The following CAMK1D variants were observed in gnomAD, a reference collection of about 807,000 sequenced individuals.
The protein encoded by CAMK1D is calcium/calmodulin-dependent protein kinase type 1D.
CAMK1D carries 9 observed loss-of-function variants against 47.7 expected under a neutral mutation model. The ratio of observed to expected loss-of-function variants is 0.19; its 90% confidence interval spans 0.11 to 0.33. The LOEUF is 0.33. Ranked by LOEUF, CAMK1D falls within the 10% of genes least tolerant of loss-of-function variation. The pLI, the probability that CAMK1D is intolerant of heterozygous loss-of-function variation, is 1.00. For synonymous variants in CAMK1D, 184 were observed against 184.9 expected, an observed-to-expected ratio of 0.99 and a Z score of 0.04; for missense variants, 291 against 488.7, an observed-to-expected ratio of 0.60 and a Z score of 3.81.
intron 1 of CAMK1D, among the ~76,000 whole-genome samples, chr10:12,549,573 T>C (rs1056763436): frequency 6.6e-6 from 1 of 152,072 alleles, no homozygotes; most frequent in African/African-American, 2.4e-5. Flanking sequence ...AGGTGTGGAG[T>C]TGCATGCTGA....
intron 4 of CAMK1D, among the ~76,000 whole-genome samples, chr10:12,767,886 T>C (rs1836848895): frequency 6.6e-6 from 1 of 152,154 alleles, no homozygotes; most frequent in Non-Finnish European, 1.5e-5. Flanking sequence ...TAGTTAGTTA[T>C]TTTGAGACGG....
At chr10:12,754,842 T>C (rs999056601) in intron 3 of CAMK1D, among the ~76,000 whole-genome samples, 1 of 152,184 alleles carries the variant, frequency 6.6e-6, no homozygotes, top group African/African-American at 2.4e-5. Flanking sequence ...CCATATGACC[T>C]CGTTAAACCT....
chr10:12,355,631 G>GA (rs1052365351), intron 1 of CAMK1D, among the ~76,000 whole-genome samples: 1 of 151,992 alleles, frequency 6.6e-6, no homozygotes, highest in African/African-American at 2.4e-5. Context: ...ACATTACTGA[G>GA]AAAAAAGGAG....
chr10:12,653,301 T>C (rs1299898173), intron 2 of CAMK1D: 1 of 152,942 alleles, frequency 6.5e-6, no homozygotes, highest in African/African-American at 2.4e-5. Context: ...ACTGCCACAT[T>C]AGGGATTGCA....
intron 1 of CAMK1D, among the ~76,000 whole-genome samples, chr10:12,488,853 T>A (rs1358930156): frequency 1.3e-5 from 2 of 152,198 alleles, no homozygotes; most frequent in East Asian, 3.8e-4. Flanking sequence ...CAGGCGGTGA[T>A]GCGAGGGATG....
chr10:12,360,982 A>G (rs78366628), intron 1 of CAMK1D, among the ~76,000 whole-genome samples: 9 of 152,290 alleles, frequency 5.9e-5, no homozygotes, highest in African/African-American at 1.9e-4. Flanking sequence ...CCACTTCTGT[A>G]AGAAAATATG....
chr10:12,618,956 G>T (rs1022711402), intron 2 of CAMK1D, among the ~76,000 whole-genome samples: 1 of 152,176 alleles, frequency 6.6e-6, no homozygotes, highest in Non-Finnish European at 1.5e-5. Context: ...CAGCAAAGAT[G>T]GTGGCAGTGC....
intron 1 of CAMK1D, among the ~76,000 whole-genome samples, chr10:12,532,157 T>A (rs1419978337): frequency 1.3e-5 from 2 of 152,208 alleles, no homozygotes; most frequent in East Asian, 1.9e-4. Flanking sequence ...ATTAGAAAAA[T>A]TTATAATTGG....
At chr10:12,621,167 C>G (rs139088252) in intron 2 of CAMK1D, among the ~76,000 whole-genome samples, 1 of 152,348 alleles carries the variant, frequency 6.6e-6, no homozygotes, top group East Asian at 1.9e-4. Flanking sequence ...ATCCCCCTAA[C>G]AGTACCACAC....
rs78129849 is a variant in CAMK1D at position 12,797,507 on chromosome 10, C to T, written c.641+6274C>T. 2.5e-3 allele frequency among the ~76,000 whole-genome samples: 380 copies of T among 152,168 alleles called. 2 individuals carry two copies. Among genetic ancestry groups the T allele is most frequent in the African/African-American group, 8.8e-3 (366 of 41,508 alleles). Reference sequence around the variant, plus strand: ...CAGGTATGAGCCACAGTGCCCAGCCCCTACTGACCAGTTCTTATGAACCCT... The same window carrying T: ...CAGGTATGAGCCACAGTGCCCAGCCTCTACTGACCAGTTCTTATGAACCCT... On this transcript the variant is annotated intron_variant, in intron 6 of 10. Coordinates refer to ENST00000619168, the MANE Select transcript of CAMK1D (RefSeq NM_153498.4).
intron 1 of CAMK1D, among the ~76,000 whole-genome samples, chr10:12,501,064 C>CA (rs35738565): frequency 6.6e-6 from 1 of 152,170 alleles, no homozygotes; most frequent in East Asian, 1.9e-4. Context: ...CACCGGACTC[C>CA]AAAATCCATC....
At chr10:12,598,744 G>A (rs569190811) in intron 2 of CAMK1D, among the ~76,000 whole-genome samples, 13 of 152,332 alleles carry the variant, frequency 8.5e-5, no homozygotes, top group Non-Finnish European at 1.9e-4. Flanking sequence ...CATTGAGCTT[G>A]TGTAGCCTGG....
chr10:12,503,652 C>T (rs932205099), intron 1 of CAMK1D, among the ~76,000 whole-genome samples: 6 of 152,122 alleles, frequency 3.9e-5, no homozygotes, highest in African/African-American at 7.2e-5. Flanking sequence ...ACATTTGATG[C>T]GAGGATTAAC....
chr10:12,560,911 T>G (rs1836919611), intron 2 of CAMK1D, among the ~76,000 whole-genome samples: 2 of 137,876 alleles, frequency 1.5e-5, no homozygotes, highest in Admixed American at 7.4e-5. Context: ...TTGATTTCTT[T>G]CTTTCTTTCT....
intron 1 of CAMK1D, among the ~76,000 whole-genome samples, chr10:12,497,149 T>A (rs2132132163): frequency 6.6e-6 from 1 of 152,212 alleles, no homozygotes; most frequent in South Asian, 2.1e-4. Flanking sequence ...TTGATGGGCA[T>A]TTGGGTTGAT....
intron 6 of CAMK1D, among the ~76,000 whole-genome samples, chr10:12,793,321 C>T (rs781335459): frequency 2.0e-5 from 3 of 152,136 alleles, no homozygotes; most frequent in Admixed American, 6.5e-5. Context: ...GCACGAATGT[C>T]TGTGGACTCC....
chr10:12,547,682 T>TCACACACACACACACACACACACA lies in CAMK1D; in HGVS notation c.93-5524_93-5523insACACACACACACACACACACACAC, dbSNP rs1554786375. On this transcript the variant is annotated intron_variant, in intron 1 of 10. Transcript: ENST00000619168. ...CACTCTCTCTCTCTCTTTCTCTCTC[T>TCACACACACACACACACACACACA]CACACACACACACACACACCACTGT... Among the ~76,000 whole-genome samples, 197 of 116,366 alleles carry TCACACACACACACACACACACACA rather than the reference T, an allele frequency of 1.7e-3. 3 individuals are homozygous for TCACACACACACACACACACACACA. Among genetic ancestry groups the TCACACACACACACACACACACACA allele is most frequent in the African/African-American group, 6.6e-3 (176 of 26,748 alleles). The allele number at this position is 116,366 out of a possible 152,430, so 76.3% of individuals were successfully genotyped here.
intron 1 of CAMK1D, among the ~76,000 whole-genome samples, chr10:12,534,759 C>T (rs887769934): frequency 2.6e-5 from 4 of 152,138 alleles, no homozygotes; most frequent in African/African-American, 7.2e-5. Context: ...GTAGGTCTTC[C>T]ATATGGGGAC....
chr10:12,442,505 T>C (rs1412320203), intron 1 of CAMK1D, among the ~76,000 whole-genome samples: 1 of 152,124 alleles, frequency 6.6e-6, no homozygotes, highest in Non-Finnish European at 1.5e-5. Flanking sequence ...AAAAAAACTT[T>C]GATTTCTCTT....
Sources: gnomAD v4.1 joint callset for allele counts (sites outside exome capture counted in the v4.1 genomes callset) on GRCh38, gnomAD v4.1.1 for gene constraint, MANE v1.5 for transcripts, NCBI Gene and HGNC (gene_info 2026-07-23, HGNC 2026-07-21) for gene names.